Variants in IL1RAPL2 observed in about 807,000 individuals in gnomAD.
The protein encoded by IL1RAPL2 is interleukin 1 receptor accessory protein like 2.
A neutral mutation model predicts 44.1 loss-of-function variants in IL1RAPL2; 3 were observed. That is an observed-to-expected ratio of 0.07 (90% CI 0.03 to 0.18). The LOEUF is 0.18. IL1RAPL2 is among the 10% of genes least tolerant of loss of function. The probability of loss-of-function intolerance (pLI) is 1.00; values close to 1 mark genes in which losing one functional copy is unlikely to be tolerated. For synonymous variants in IL1RAPL2, 181 were observed against 178.8 expected (o/e 1.01, Z -0.10); for missense variants, 391 against 496.4 (o/e 0.79, Z 2.02).
chrX:105,058,561 C>G (rs2032029229), intron 2 of IL1RAPL2, among the ~76,000 whole-genome samples: 1 of 112,176 alleles, frequency 8.9e-6, no homozygotes, highest in African/African-American at 3.2e-5. Context: ...AAGAGAAAAT[C>G]AGCCAAATCT....
At chrX:105,330,730 A>T (rs780564863) in intron 5 of IL1RAPL2, among the ~76,000 whole-genome samples, 1 of 110,670 alleles carries the variant, frequency 9.0e-6, no homozygotes, top group Non-Finnish European at 1.9e-5. Context: ...TAAGTAGTCA[A>T]CTCTGCCTCA....
At chrX:105,260,962 A>G (rs1396980283) in intron 4 of IL1RAPL2, among the ~76,000 whole-genome samples, 2 of 111,752 alleles carry the variant, frequency 1.8e-5, no homozygotes, top group Non-Finnish European at 3.8e-5. Context: ...CCTCTTTCCT[A>G]GGGGTATGTT....
At chrX:104,845,504 C>A (rs1466665601) in intron 2 of IL1RAPL2, among the ~76,000 whole-genome samples, 1 of 112,033 alleles carries the variant, frequency 8.9e-6, no homozygotes, top group Non-Finnish European at 1.9e-5. Context: ...ATGAGGATTA[C>A]ATAAATATTT....
At chrX:105,653,756 C>T (rs769856828) in intron 6 of IL1RAPL2, among the ~76,000 whole-genome samples, 13 of 111,685 alleles carry the variant, frequency 1.2e-4, no homozygotes, top group African/African-American at 4.2e-4. Flanking sequence ...GATAAATACT[C>T]CTTCCTCTCA....
chrX:104,706,691 G>A (rs970614425), intron 2 of IL1RAPL2, among the ~76,000 whole-genome samples: 2 of 112,115 alleles, frequency 1.8e-5, no homozygotes, highest in African/African-American at 6.5e-5. Context: ...AATTAACAAG[G>A]CTTGCCTTTA....
At chrX:104,718,146 A>C (rs111944336) in intron 2 of IL1RAPL2, among the ~76,000 whole-genome samples, 1 of 110,317 alleles carries the variant, frequency 9.1e-6, no homozygotes, top group African/African-American at 3.3e-5. Flanking sequence ...GGTCAAATGG[A>C]ATTTCTAGTT....
intron 6 of IL1RAPL2, among the ~76,000 whole-genome samples, chrX:105,684,472 C>G (rs1367036997): frequency 8.9e-6 from 1 of 112,473 alleles, no homozygotes; most frequent in Admixed American, 9.4e-5. Context: ...AGCAGCCTGG[C>G]TCGGGGAGGG....
At chrX:105,176,368 A>C (rs1238671028) in intron 2 of IL1RAPL2, among the ~76,000 whole-genome samples, 1 of 111,092 alleles carries the variant, frequency 9.0e-6, no homozygotes, top group Admixed American at 9.5e-5. Flanking sequence ...AGTATGCTAT[A>C]TGTGGCCATT....
chrX:105,034,048 T>C (rs774312588), intron 2 of IL1RAPL2, among the ~76,000 whole-genome samples: 1 of 112,489 alleles, frequency 8.9e-6, no homozygotes, highest in South Asian at 3.7e-4. Flanking sequence ...CTTCACGTAG[T>C]TCTGGAGCCT....
At chrX:104,860,465 T>A (rs1922463315) in intron 2 of IL1RAPL2, among the ~76,000 whole-genome samples, 1 of 111,953 alleles carries the variant, frequency 8.9e-6, no homozygotes, top group Non-Finnish European at 1.9e-5. Context: ...TGGAGCTATG[T>A]GTGACACAGT....
intron 5 of IL1RAPL2, among the ~76,000 whole-genome samples, chrX:105,293,820 AC>A (rs2034634439): frequency 9.0e-6 from 1 of 111,727 alleles, no homozygotes; most frequent in Non-Finnish European, 1.9e-5. Context: ...AGCTCTAAGG[AC>A]CCTTTAAGCT....
intron 2 of IL1RAPL2, among the ~76,000 whole-genome samples, chrX:105,001,352 G>A (rs935961449): frequency 9.0e-6 from 1 of 111,360 alleles, no homozygotes; most frequent in African/African-American, 3.3e-5. Context: ...CTAGTCTCCA[G>A]GATTCTGAAT....
rs187397764 is a variant in IL1RAPL2 at position 104,810,687 on chromosome X, G to C, written c.82+151692G>C. Among the ~76,000 whole-genome samples, 108 of 111,690 alleles carry C rather than the reference G, an allele frequency of 9.7e-4. 1 individual carries two copies. Among genetic ancestry groups the C allele is most frequent in the African/African-American group, 3.4e-3 (106 of 30,840 alleles). ...TCATGTGTCAATGCAGCATAACCTA[G>C]CCTGTCCTAACTGATACAGCCTACA... On this transcript the variant is annotated intron_variant, in intron 2 of 10. Transcript: ENST00000372582.
chrX:104,903,233 C>T (rs1037049213), intron 2 of IL1RAPL2, among the ~76,000 whole-genome samples: 6 of 112,055 alleles, frequency 5.4e-5, no homozygotes, highest in Admixed American at 1.9e-4. Context: ...GAAAAAAATA[C>T]ATTTTCATCA....
At chrX:104,804,275 C>T (rs1000493189) in intron 2 of IL1RAPL2, 1 of 111,199 alleles carries the variant, frequency 9.0e-6, no homozygotes, top group Non-Finnish European at 1.9e-5. Flanking sequence ...TGGTTGGGCC[C>T]ACTGGATCCA....
At chrX:105,714,487 G>T (rs1295313175) in intron 6 of IL1RAPL2, among the ~76,000 whole-genome samples, 1 of 111,900 alleles carries the variant, frequency 8.9e-6, no homozygotes, top group Non-Finnish European at 1.9e-5. Flanking sequence ...CACAGATGGT[G>T]CAATTTGTAA....
At chrX:104,713,474 T>G (rs1931497520) in intron 2 of IL1RAPL2, among the ~76,000 whole-genome samples, 1 of 111,066 alleles carries the variant, frequency 9.0e-6, no homozygotes, top group Non-Finnish European at 1.9e-5. Flanking sequence ...GACAGAGAAC[T>G]TGTTTTTGAA....
Position 105,074,313 on chromosome X carries a change from T to G in IL1RAPL2, c.83-121162T>G, listed in dbSNP as rs186496924. ...TTAAATAGGGGATCCTTTCCCCATT[T>G]CTTGTTTTTGTCAGGTTTGTCAAAG... On this transcript the variant is annotated intron_variant, in intron 2 of 10. Coordinates refer to ENST00000372582, the MANE Select transcript of IL1RAPL2 (RefSeq NM_017416.2). Among the ~76,000 whole-genome samples, 172 of 111,813 alleles carry G rather than the reference T, an allele frequency of 1.5e-3. 1 individual carries two copies. The East Asian group carries it at 0.036, about 24-fold the overall frequency.
Position 104,622,535 on chromosome X carries a change from GTCA to G in IL1RAPL2, c.-19-36356_-19-36354del, listed in dbSNP as rs545493079. Reference sequence around the variant, plus strand: ...TTAATATGTAGAGAGATGATGCTAAGTCATCAGCAGCATTGTGGCTCTGACTTG... The same window carrying G: ...TTAATATGTAGAGAGATGATGCTAAGTCAGCAGCATTGTGGCTCTGACTTG... On this transcript the variant is annotated intron_variant, in intron 1 of 10. Transcript: ENST00000372582. 3.3e-4 allele frequency among the ~76,000 whole-genome samples: 36 copies of G among 110,241 alleles called. No homozygotes were observed. In the South Asian group the frequency reaches 0.014, roughly 43 times the overall value.
Sources: allele counts gnomAD v4.1 joint callset (sites outside exome capture counted in the v4.1 genomes callset), GRCh38; gene constraint gnomAD v4.1.1; transcripts MANE v1.5; gene names NCBI Gene and HGNC (gene_info 2026-07-23, HGNC 2026-07-21).